Variants in FAM169A observed in about 807,000 individuals in gnomAD.
FAM169A encodes family with sequence similarity 169 member A.
FAM169A carries 24 observed loss-of-function variants against 75.7 expected under a neutral mutation model. That is an observed-to-expected ratio of 0.32 (90% CI 0.23 to 0.45). The LOEUF is 0.45. FAM169A is among the 20% of genes least tolerant of loss of function. The pLI is 1.00. For synonymous variants in FAM169A, 271 were observed against 271.0 expected, an observed-to-expected ratio of 1.00 and a Z score of 0.00; for missense variants, 673 against 784.0, an observed-to-expected ratio of 0.86 and a Z score of 1.69.
intron 1 of FAM169A, among the ~76,000 whole-genome samples, chr5:74,859,119 CAGG>C (rs1189332382): frequency 1.3e-5 from 2 of 151,154 alleles, no homozygotes; most frequent in Non-Finnish European, 2.9e-5. Context: ...GAGGCTGAGG[CAGG>C]AGAATTGCTT....
At position 74,805,633 on chromosome 5, in the gene FAM169A, C is replaced by T. The variant is rs540970144; in HGVS notation, c.671-349G>A. On this transcript the variant is annotated intron_variant, in intron 6 of 12. Coordinates refer to ENST00000687041, the MANE Select transcript of FAM169A (RefSeq NM_001376049.1). ...GCAACCTCCGCCTCCTAGGTTCAAG[C>T]AATTCTCCTGCCTCAGTCTCCTGAG... Among the ~76,000 whole-genome samples, 543 of 145,492 alleles carry T rather than the reference C, an allele frequency of 3.7e-3. 6 individuals are homozygous for T. Among genetic ancestry groups the T allele is most frequent in the African/African-American group, 0.013 (519 of 38,708 alleles).
At chr5:74,800,191 C>A in intron 10 of FAM169A, 1 of 302,522 alleles carries the variant, frequency 3.3e-6, no homozygotes, top group South Asian at 4.7e-5. Context: ...ACATATCACG[C>A]CAATATCATG....
rs188664136 is a variant in FAM169A at position 74,778,498 on chromosome 5, T to C, written c.*2962A>G. ...CTGCTATAAGTAAATCTTTAATGAC[T>C]AGATGTTTTCCTTACCATCTACACT... On this transcript the variant is annotated 3_prime_UTR_variant, in exon 13 of 13. Transcript: ENST00000687041. 1.4e-3 allele frequency: 208 copies of C among 151,826 alleles called. 1 individual carries two copies. Among genetic ancestry groups the C allele is most frequent in the African/African-American group, 4.9e-3 (202 of 41,446 alleles). The allele number at this position is 151,826 out of a possible 1,614,324, so 9.4% of individuals were successfully genotyped here.
intron 1 of FAM169A, among the ~76,000 whole-genome samples, chr5:74,861,663 C>CA (rs202212142): frequency 9.5e-5 from 14 of 146,864 alleles, no homozygotes; most frequent in Middle Eastern, 3.4e-3. Flanking sequence ...TGCAGTGAGC[C>CA]AAAAAAAAAA....
intron 5 of FAM169A, among the ~76,000 whole-genome samples, chr5:74,825,330 T>C (rs989874040): frequency 6.6e-6 from 1 of 152,210 alleles, no homozygotes; most frequent in Admixed American, 6.5e-5. Context: ...GGAAAAGTTC[T>C]GTATCTACTC....
intron 1 of FAM169A, among the ~76,000 whole-genome samples, chr5:74,863,126 C>T (rs1422904017): frequency 6.6e-6 from 1 of 151,674 alleles, no homozygotes; most frequent in African/African-American, 2.4e-5. Flanking sequence ...CTATACAGAG[C>T]ATGTAAACGT....
intron 9 of FAM169A, among the ~76,000 whole-genome samples, chr5:74,801,381 G>A (rs1265214354): frequency 1.3e-5 from 2 of 152,146 alleles, no homozygotes; most frequent in Non-Finnish European, 2.9e-5. Context: ...AAGGAAACAA[G>A]GAAGAGAGAG....
chr5:74,786,280 CT>C (rs1745691524), intron 11 of FAM169A, among the ~76,000 whole-genome samples: 1 of 152,094 alleles, frequency 6.6e-6, no homozygotes, highest in African/African-American at 2.4e-5. Context: ...TACATCTGTC[CT>C]ATTAGTTCCA....
At chr5:74,844,537 G>A (rs1055239651) in intron 1 of FAM169A, among the ~76,000 whole-genome samples, 5 of 151,794 alleles carry the variant, frequency 3.3e-5, no homozygotes, top group East Asian at 1.9e-4. Context: ...ATAAACTTAT[G>A]GGCCAGACAC....
intron 11 of FAM169A, among the ~76,000 whole-genome samples, chr5:74,785,642 A>T (rs1354191495): frequency 1.3e-5 from 2 of 152,152 alleles, no homozygotes; most frequent in African/African-American, 2.4e-5. Flanking sequence ...CACATGCCTA[A>T]TTCAAGCTAC....
intron 3 of FAM169A, 93 bp from the exon 4 acceptor site, chr5:74,839,143 T>C: frequency 1.1e-6 from 1 of 872,052 alleles, no homozygotes; most frequent in Non-Finnish European, 1.9e-6. Flanking sequence ...ATCCATATAC[T>C]TTATATTTAA....
At chr5:74,857,575 A>G (rs1478995280) in intron 1 of FAM169A, among the ~76,000 whole-genome samples, 2 of 80,662 alleles carry the variant, frequency 2.5e-5, no homozygotes, top group African/African-American at 1.2e-4. Context: ...GCCGCGGGAA[A>G]AAAAAAAAAA....
chr5:74,785,914 T>C lies in FAM169A; in HGVS notation c.1261-2780A>G, dbSNP rs144911383. On this transcript the variant is annotated intron_variant, in intron 11 of 12. Transcript: ENST00000687041. Reference sequence around the variant, plus strand: ...GTGATGGCTAATACTGTCAACTTGATTGGATTGAAGGATGCAAGGTATTGT... The same window carrying C: ...GTGATGGCTAATACTGTCAACTTGACTGGATTGAAGGATGCAAGGTATTGT... 7.1e-3 allele frequency among the ~76,000 whole-genome samples: 1,080 copies of C among 152,292 alleles called. 16 individuals carry two copies. The highest frequency in any genetic ancestry group is 0.025 in the African/African-American group (1,038 of 41,558).
intron 1 of FAM169A, among the ~76,000 whole-genome samples, chr5:74,857,572 G>GGA (rs1554053966): frequency 1.8e-5 from 1 of 56,290 alleles, no homozygotes; most frequent in Non-Finnish European, 3.8e-5. Context: ...CTTGCCGCGG[G>GGA]AAAAAAAAAA....
intron 1 of FAM169A, among the ~76,000 whole-genome samples, chr5:74,842,447 A>AT (rs1160128038): frequency 1.0e-4 from 15 of 148,354 alleles, no homozygotes; most frequent in African/African-American, 2.5e-5. Flanking sequence ...AAAAAAAAAA[A>AT]AAAAAAAAAT....
rs1416070524 is a variant in FAM169A, at chr5:74,783,039, T to C, written c.1356A>G (p.Leu452=). Residue 452 remains leucine, a synonymous_variant, in exon 12 of 13, where the codon TTA becomes TTG. Transcript: ENST00000687041. ...TEEEDSTSEV[L]DEELKLQPFN... is the part of the protein sequence containing the mutation. ...AAGGCTGCAATTTTAATTCTTCATC[T>C]AAAACTTCACTAGTGGAGTCTTCCT... is the stretch of plus-strand genomic sequence containing the variant. 6.2e-7 allele frequency: 1 copy of C among 1,613,556 alleles called. No individual in the cohort carries two copies. Among genetic ancestry groups the C allele is most frequent in the Non-Finnish European group, 8.5e-7 (1 of 1,179,580 alleles).
chr5:74,839,999 T>G, intron 3 of FAM169A, 75 bp downstream of exon 3: 1 of 742,968 alleles, frequency 1.3e-6, no homozygotes. Context: ...TTCCTTCATG[T>G]AGCTACCTTT....
In FAM169A at chr5:74,812,035, A is replaced by G. The variant is rs1436347729; in HGVS notation, c.670+1805T>C. Among the ~76,000 whole-genome samples the G allele has an allele frequency of 6.6e-5, 10 of 152,366 alleles. No homozygotes were observed. The East Asian group carries it at 1.9e-3, about 29-fold the overall frequency. On this transcript the variant is annotated intron_variant, in intron 6 of 12. Transcript: ENST00000687041. ...AGTGAGTCTAATTGGGTAGAAGTAC[A>G]TAGAAGGCTTCGACCATATTGGCAA...
intron 1 of FAM169A, among the ~76,000 whole-genome samples, chr5:74,843,708 T>A (rs1749001824): frequency 6.6e-6 from 1 of 152,226 alleles, no homozygotes. Flanking sequence ...CACTCAACAC[T>A]ACTTCTGTGA....
Sources: gnomAD v4.1 joint callset for allele counts (sites outside exome capture counted in the v4.1 genomes callset) on GRCh38, gnomAD v4.1.1 for gene constraint, MANE v1.5 for transcripts, NCBI Gene and HGNC (gene_info 2026-07-23, HGNC 2026-07-21) for gene names.